GARIN5A: variants seen among roughly 807,000 people sequenced by gnomAD.
GARIN5A encodes golgi associated RAB2 interactor 5A, also known as Golgi-associated RAB2 interactor protein 5A.
At chr19:50,472,331 C>A in the GARIN5A span, among the ~76,000 whole-genome samples, 136 of 146,810 alleles carry the variant, frequency 9.3e-4, 1 homozygote, top group East Asian at 1.8e-3. Flanking sequence ...ATATATATAT[C>A]TCTCTGTCAG....
the GARIN5A span, chr19:50,475,423 G>T: frequency 6.2e-7 from 1 of 1,609,454 alleles, no homozygotes. Context: ...CCCCCATGGT[G>T]ACCTCGTTGG....
chr19:50,475,266 G>T, the GARIN5A span: 1 of 1,518,910 alleles, frequency 6.6e-7, no homozygotes, highest in Middle Eastern at 2.5e-4. Context: ...GTACTGCTGG[G>T]GGCTCAGGTG....
the GARIN5A span, among the ~76,000 whole-genome samples, chr19:50,471,716 ATACGCATACATGCACG>A: frequency 2.0e-5 from 3 of 148,208 alleles, no homozygotes; most frequent in East Asian, 2.1e-4. Flanking sequence ...ACGTGTGTGT[ATACGCATACATGCACG>A]TGTGTGTATA....
the GARIN5A span, among the ~76,000 whole-genome samples, chr19:50,472,090 A>ATGTATATGTATATATACGTG: frequency 6.0e-3 from 683 of 113,178 alleles, 24 homozygotes; most frequent in African/African-American, 0.013. Flanking sequence ...ATGTGTGTAT[A>ATGTATATGTATATATACGTG]TGTATATGTA....
chr19:50,475,375 T>C, the GARIN5A span: 2 of 1,608,516 alleles, frequency 1.2e-6, no homozygotes, highest in South Asian at 2.2e-5. Flanking sequence ...CCAGAAGCAA[T>C]AGGTCCGGGA....
the GARIN5A span, among the ~76,000 whole-genome samples, chr19:50,470,687 C>T: frequency 1.4e-5 from 2 of 142,262 alleles, no homozygotes; most frequent in African/African-American, 5.3e-5. Context: ...TGGAGTCTCG[C>T]ACTGTTTCCC....
At chr19:50,473,925 T>C in the GARIN5A span, among the ~76,000 whole-genome samples, 1 of 151,910 alleles carries the variant, frequency 6.6e-6, no homozygotes, top group East Asian at 2.0e-4. Flanking sequence ...AGGCAGAGGT[T>C]GCAGTGAGCC....
chr19:50,476,690 C>A, the GARIN5A span: 1 of 1,374,510 alleles, frequency 7.3e-7, no homozygotes, highest in Non-Finnish European at 9.7e-7. Flanking sequence ...ATAGCGGGCG[C>A]GGTCTACGGA....
the GARIN5A span, among the ~76,000 whole-genome samples, chr19:50,472,068 G>GTATATATACGTGTGTGTATA: frequency 4.1e-5 from 4 of 97,342 alleles, no homozygotes; most frequent in African/African-American, 7.7e-5. Flanking sequence ...GTGTGTATAT[G>GTATATATACGTGTGTGTATA]TGTATATATA....
chr19:50,475,207 C>T, the GARIN5A span: 16 of 1,404,574 alleles, frequency 1.1e-5, 1 homozygote, highest in African/African-American at 5.7e-5. Flanking sequence ...CAGGGAGGGC[C>T]GGTAGCACTG....
At chr19:50,473,381 G>C in the GARIN5A span, among the ~76,000 whole-genome samples, 1 of 151,140 alleles carries the variant, frequency 6.6e-6, no homozygotes, top group Non-Finnish European at 1.5e-5. Flanking sequence ...TTTAGAGAAC[G>C]GGTCTCACTT....
the GARIN5A span, among the ~76,000 whole-genome samples, chr19:50,472,209 C>T: frequency 2.6e-5 from 3 of 117,206 alleles, no homozygotes; most frequent in Admixed American, 8.7e-5. Context: ...CATGTATATA[C>T]ATGTGTGTAT....
At chr19:50,476,724 G>C in the GARIN5A span, 12 of 1,027,030 alleles carry the variant, frequency 1.2e-5, no homozygotes. Flanking sequence ...GGGTCTTTAG[G>C]TGAGTTACAG....
At chr19:50,471,940 A>G in the GARIN5A span, among the ~76,000 whole-genome samples, 3 of 143,004 alleles carry the variant, frequency 2.1e-5, no homozygotes, top group Admixed American at 6.8e-5. Context: ...GTATGTGTGT[A>G]AGTATATATA....
At chr19:50,474,446 C>T in the GARIN5A span, among the ~76,000 whole-genome samples, 3 of 149,348 alleles carry the variant, frequency 2.0e-5, no homozygotes, top group African/African-American at 7.4e-5. Flanking sequence ...CCTGGGTTCA[C>T]GCCATTCTCC....
At chr19:50,473,729 G>A in the GARIN5A span, among the ~76,000 whole-genome samples, 1 of 151,590 alleles carries the variant, frequency 6.6e-6, no homozygotes, top group Non-Finnish European at 1.5e-5. Context: ...GCTCATGCCT[G>A]TAATCCCAGC....
the GARIN5A span, chr19:50,467,415 CAGGAGT>C: frequency 5.0e-6 from 3 of 603,796 alleles, no homozygotes; most frequent in South Asian, 4.1e-5. Flanking sequence ...CCCTCAGACC[CAGGAGT>C]CCAGGACCCC....
chr19:50,470,460 C>A, the GARIN5A span, among the ~76,000 whole-genome samples: 1 of 150,368 alleles, frequency 6.7e-6, no homozygotes, highest in Non-Finnish European at 1.5e-5. Flanking sequence ...TTGCAGTGAG[C>A]CAAGATCATG....
the GARIN5A span, chr19:50,475,303 C>T: frequency 5.1e-4 from 792 of 1,564,594 alleles, 4 homozygotes; most frequent in African/African-American, 9.7e-3. Flanking sequence ...GAAGGGGTCT[C>T]GGCTGAGGTG....
Sources: gnomAD v4.1 joint callset for allele counts (sites outside exome capture counted in the v4.1 genomes callset) on GRCh38, gnomAD v4.1.1 for gene constraint, MANE v1.5 for transcripts, NCBI Gene and HGNC (gene_info 2026-07-23, HGNC 2026-07-21) for gene names.